The following TP63 variants were observed in gnomAD, a reference collection of about 807,000 sequenced individuals.
TP63 encodes tumor protein 63.
A neutral mutation model predicts 82.8 loss-of-function variants in TP63; 17 were observed. That is an observed-to-expected ratio of 0.21 (90% CI 0.14 to 0.31). TP63 has a LOEUF of 0.31. Ranked by LOEUF, TP63 falls within the 10% of genes least tolerant of loss-of-function variation. TP63 has a pLI of 1.00. For synonymous variants in TP63, 330 were observed against 321.7 expected (o/e 1.03, Z -0.28); for missense variants, 648 against 895.3 (o/e 0.72, Z 3.52).
intron 4 of TP63, 126 bp downstream of exon 4, chr3:189,808,652 AATATTT>A (rs763509669): frequency 4.0e-5 from 62 of 1,548,150 alleles, no homozygotes; most frequent in Admixed American, 1.0e-4. Flanking sequence ...TTTGTCTTTG[AATATTT>A]AATACTGAAC....
At chr3:189,599,668 A>G in the TP63 span, among the ~76,000 whole-genome samples, 18 of 152,294 alleles carry the variant, frequency 1.2e-4, no homozygotes, top group African/African-American at 4.1e-4. Context: ...TAGGGAGTTT[A>G]CCAAAGAAAA....
At chr3:189,713,506 A>G (rs1384684060) in intron 1 of TP63, among the ~76,000 whole-genome samples, 2 of 152,260 alleles carry the variant, frequency 1.3e-5, no homozygotes, top group East Asian at 3.9e-4. Flanking sequence ...AATGTACTTC[A>G]TCTCCAATGA....
At chr3:189,762,520 ATT>A (rs1398242784) in intron 3 of TP63, among the ~76,000 whole-genome samples, 1 of 152,230 alleles carries the variant, frequency 6.6e-6, no homozygotes, top group Non-Finnish European at 1.5e-5. Flanking sequence ...ACTGTGACTC[ATT>A]TTAAAACATG....
intron 4 of TP63, among the ~76,000 whole-genome samples, chr3:189,842,246 G>C (rs1480410623): frequency 6.6e-6 from 1 of 152,150 alleles, no homozygotes; most frequent in Non-Finnish European, 1.5e-5. Flanking sequence ...GAGAGCGCGT[G>C]TATGTCACGT....
chr3:189,759,348 T>C (rs1722403943), intron 3 of TP63, among the ~76,000 whole-genome samples: 2 of 152,170 alleles, frequency 1.3e-5, no homozygotes, highest in African/African-American at 4.8e-5. Flanking sequence ...TATATATTTT[T>C]ATGGGAGGGG....
At chr3:189,759,756 G>C (rs1029741270) in intron 3 of TP63, among the ~76,000 whole-genome samples, 1 of 152,212 alleles carries the variant, frequency 6.6e-6, no homozygotes. Flanking sequence ...AAGTCTCATA[G>C]GTGACCACCC....
intron 1 of TP63, among the ~76,000 whole-genome samples, chr3:189,632,986 A>T (rs990260482): frequency 6.6e-6 from 1 of 152,080 alleles, no homozygotes; most frequent in African/African-American, 2.4e-5. Context: ...CTCCTAAACT[A>T]GGTACTTGGA....
chr3:189,601,012 A>G, the TP63 span, among the ~76,000 whole-genome samples: 1 of 151,482 alleles, frequency 6.6e-6, no homozygotes, highest in African/African-American at 2.4e-5. Flanking sequence ...TTGTGCTTCT[A>G]TTACCTTGTG....
At chr3:189,840,359 C>CT in intron 4 of TP63, among the ~76,000 whole-genome samples, 2,266 of 44,274 alleles carry the variant, frequency 0.051, 132 homozygotes, top group African/African-American at 0.13. Context: ...TGCTTTTCGT[C>CT]TTTTTTTTTT....
chr3:189,758,719 T>C (rs1722362469), intron 3 of TP63, among the ~76,000 whole-genome samples: 1 of 152,232 alleles, frequency 6.6e-6, no homozygotes, highest in Non-Finnish European at 1.5e-5. Context: ...AGTTGAGGTC[T>C]CTGCAGACCC....
Position 189,894,311 on chromosome 3 carries a change from C to T in TP63, c.1852C>T (p.Arg618Trp), listed in dbSNP as rs1455505991. ...HEFSSPSHLL[R>W]TPSSASTVSV... is the part of the protein sequence containing the mutation. ...ATTCTCCTCCCCTTCTCATCTCCTG[C>T]GGACCCCAAGCAGTGCCTCTACAGT... The change falls in exon 14 of 14, where the codon CGG (arginine) becomes TGG (tryptophan). Residue 618 changes from arginine (R) to tryptophan (W), a missense_variant. Around this residue, in one of 5 missense-constraint regions of TP63, gnomAD observed 342 missense variants for 425.7 expected, o/e 0.80. Transcript: ENST00000264731. 4 of 1,613,764 alleles carry T rather than the reference C, an allele frequency of 2.5e-6. No homozygotes were observed. The highest frequency in any genetic ancestry group is 2.2e-5 in the South Asian group (2 of 91,058).
chr3:189,702,019 T>A (rs994683871), intron 1 of TP63, among the ~76,000 whole-genome samples: 1 of 152,212 alleles, frequency 6.6e-6, no homozygotes, highest in East Asian at 1.9e-4. Context: ...AAATGCATTA[T>A]CTTAGGGAGC....
At chr3:189,681,379 G>A (rs1715889003) in intron 1 of TP63, among the ~76,000 whole-genome samples, 1 of 152,094 alleles carries the variant, frequency 6.6e-6, no homozygotes, top group Non-Finnish European at 1.5e-5. Flanking sequence ...TTTGTAATTA[G>A]GAAGGTTAAA....
At chr3:189,844,702 C>G (rs1367032277) in intron 4 of TP63, among the ~76,000 whole-genome samples, 1 of 152,078 alleles carries the variant, frequency 6.6e-6, no homozygotes, top group Admixed American at 6.5e-5. Context: ...ATAATTAGCC[C>G]ATATAACTTC....
In TP63 at chr3:189,653,022, T is replaced by A. The variant is rs1201413777; in HGVS notation, c.62+21445T>A. Among the ~76,000 whole-genome samples the A allele has an allele frequency of 1.6e-5, 2 of 121,578 alleles. 1 individual carries two copies. Among genetic ancestry groups the A allele is most frequent in the Non-Finnish European group, 3.4e-5 (2 of 58,796 alleles). The allele number at this position is 121,578 out of a possible 152,430, so 79.8% of individuals were successfully genotyped here. A position where few individuals can be genotyped will look rare whatever the true frequency, so the allele number is the denominator to read the frequency against. On this transcript the variant is annotated intron_variant, in intron 1 of 13. Transcript: ENST00000264731. ...CTTTATTAACAGTGTGATAATGGAC[T>A]AATATAATCAGCATGTTCTTTTTCT...
chr3:189,619,155 A>G, the TP63 span, among the ~76,000 whole-genome samples: 93 of 152,302 alleles, frequency 6.1e-4, no homozygotes, highest in Non-Finnish European at 1.2e-3. Flanking sequence ...GCTTTACTTT[A>G]TCATGACCAG....
the TP63 span, among the ~76,000 whole-genome samples, chr3:189,609,806 T>C: frequency 1.3e-5 from 2 of 152,216 alleles, no homozygotes; most frequent in African/African-American, 4.8e-5. Flanking sequence ...GTTGATTCCA[T>C]GTCTTTGCTA....
intron 4 of TP63, among the ~76,000 whole-genome samples, chr3:189,838,793 T>C (rs1713520742): frequency 6.6e-6 from 1 of 152,196 alleles, no homozygotes; most frequent in Non-Finnish European, 1.5e-5. Context: ...CCTTTCCTTT[T>C]TGGCAGTATC....
intron 1 of TP63, among the ~76,000 whole-genome samples, chr3:189,637,757 C>G (rs1321110401): frequency 6.6e-6 from 1 of 152,092 alleles, no homozygotes; most frequent in African/African-American, 2.4e-5. Context: ...TAGCCACATC[C>G]TAATCCTCAG....
Sources: gnomAD v4.1 joint callset for allele counts (sites outside exome capture counted in the v4.1 genomes callset) on GRCh38, gnomAD v4.1.1 for gene constraint, gnomAD v4.1.1 regional missense constraint, MANE v1.5 for transcripts, NCBI Gene and HGNC (gene_info 2026-07-23, HGNC 2026-07-21) for gene names.